MEDAG: variants seen among roughly 807,000 people sequenced by gnomAD.
The protein encoded by MEDAG is mesenteric estrogen dependent adipogenesis, also known as mesenteric estrogen-dependent adipogenesis protein.
A neutral mutation model predicts 29.9 loss-of-function variants in MEDAG; 25 were observed. That is an observed-to-expected ratio of 0.84 (90% confidence interval 0.61 to 1.17). The LOEUF (loss-of-function observed/expected upper bound fraction) is 1.17, where lower values mean the gene tolerates loss of function less well. Among genes scored for constraint, MEDAG ranks in the 50% most tolerant of loss-of-function variants. The pLI, the probability that MEDAG is intolerant of heterozygous loss-of-function variation, is 0.00. For synonymous variants in MEDAG, 158 were observed against 148.2 expected (o/e 1.07, Z -0.48); for missense variants, 398 against 372.9 (o/e 1.07, Z -0.56).
rs745724368 is a variant in MEDAG, at chr13:30,917,387, C to T, written c.279-16C>T. ...AAGGGTACGTTACATTTGCAATGAT[C>T]TCTGCTTCTTCATAGGTATGTGGAA... On this transcript the variant is annotated splice_polypyrimidine_tract_variant and intron_variant, in intron 1 of 4. Coordinates refer to ENST00000380482, the MANE Select transcript of MEDAG (RefSeq NM_032849.4). 12 of 1,397,364 alleles carry T rather than the reference C, an allele frequency of 8.6e-6. No individual in the cohort carries two copies. In the South Asian group the frequency reaches 1.2e-4, roughly 13 times the overall value. 86.6% of individuals were successfully genotyped at this position (1,397,364 alleles called of 1,614,324 possible).
chr13:30,921,638 A>G lies in MEDAG; in HGVS notation c.579A>G (p.Ala193=), dbSNP rs79895157. ...EVVNGENLSF[A]YEFKADALFD... is the part of the protein sequence containing the mutation. ...TTAATGGAGAAAATTTAAGCTTTGC[A>G]TATGAATTCAAAGCTGATGCATTAT... Residue 193 remains alanine (A), a synonymous_variant, in exon 4 of 5, where the codon GCA becomes GCG. Transcript: ENST00000380482. 721 of 1,613,866 alleles carry G rather than the reference A, an allele frequency of 4.5e-4. 2 individuals carry two copies. In the East Asian group the frequency reaches 0.012, roughly 28 times the overall value.
chr13:30,924,794 G>A lies in MEDAG; in HGVS notation c.*359G>A. 1 of 167,196 alleles carries A rather than the reference G, an allele frequency of 6.0e-6. No individual in the cohort carries two copies. Among genetic ancestry groups the A allele is most frequent in the Non-Finnish European group, 1.3e-5 (1 of 78,324 alleles). 10.4% of individuals were successfully genotyped at this position (167,196 alleles called of 1,614,324 possible). Reference sequence around the variant, plus strand: ...CAGTTCCCTGGGAGTTTTTGTGGCAGCCTTTGTGGGAGTGGTCTGACTGGC... The same window carrying A: ...CAGTTCCCTGGGAGTTTTTGTGGCAACCTTTGTGGGAGTGGTCTGACTGGC... On this transcript the variant is annotated 3_prime_UTR_variant, in exon 5 of 5. Coordinates refer to ENST00000380482, the MANE Select transcript of MEDAG (RefSeq NM_032849.4).
intron 1 of MEDAG, among the ~76,000 whole-genome samples, chr13:30,909,349 G>T (rs140902795): frequency 6.6e-6 from 1 of 151,998 alleles, no homozygotes; most frequent in Non-Finnish European, 1.5e-5. Flanking sequence ...CTTCAGAGCC[G>T]GATTGCCCCA....
intron 4 of MEDAG, 151 bp from the exon 5 acceptor site, chr13:30,924,160 C>T (rs1953017243): frequency 1.4e-5 from 11 of 784,618 alleles, no homozygotes; most frequent in Non-Finnish European, 2.1e-5. Flanking sequence ...AAAAGCAACA[C>T]ATTTCTGTTT....
At chr13:30,907,918 A>T (rs940773966) in intron 1 of MEDAG, among the ~76,000 whole-genome samples, 11 of 152,228 alleles carry the variant, frequency 7.2e-5, no homozygotes, top group Admixed American at 3.3e-4. Context: ...TGCCTGAAGA[A>T]CCATTCCCCA....
intron 4 of MEDAG, among the ~76,000 whole-genome samples, chr13:30,923,553 T>C (rs1174073964): frequency 6.6e-6 from 1 of 152,176 alleles, no homozygotes; most frequent in African/African-American, 2.4e-5. Context: ...AAAGATGTGT[T>C]TGTGCTCTGC....
At chr13:30,908,502 G>A (rs1952850552) in intron 1 of MEDAG, among the ~76,000 whole-genome samples, 1 of 152,162 alleles carries the variant, frequency 6.6e-6, no homozygotes, top group African/African-American at 2.4e-5. Context: ...GGTCTAAATG[G>A]AGACAGCCTT....
At chr13:30,924,223 A>T in intron 4 of MEDAG, 88 bp from the exon 5 acceptor site, 1 of 1,320,216 alleles carries the variant, frequency 7.6e-7, no homozygotes, top group Non-Finnish European at 1.0e-6. Flanking sequence ...TTATTAAAAT[A>T]GTTAGGTTGC....
intron 1 of MEDAG, among the ~76,000 whole-genome samples, chr13:30,907,931 A>G (rs1952845728): frequency 6.6e-6 from 1 of 152,258 alleles, no homozygotes; most frequent in South Asian, 2.1e-4. Flanking sequence ...ATTCCCCAGC[A>G]AGAATTTCTC....
At chr13:30,909,313 C>CG (rs1952860465) in intron 1 of MEDAG, among the ~76,000 whole-genome samples, 1 of 151,860 alleles carries the variant, frequency 6.6e-6, no homozygotes, top group Non-Finnish European at 1.5e-5. Context: ...TGGGGATGAC[C>CG]GGTTTCACTT....
chr13:30,909,420 C>T (rs929443271), intron 1 of MEDAG, among the ~76,000 whole-genome samples: 2 of 152,080 alleles, frequency 1.3e-5, no homozygotes, highest in African/African-American at 2.4e-5. Context: ...AGTGACTTTT[C>T]GTCTTCTTTG....
intron 1 of MEDAG, chr13:30,916,669 T>C (rs1265044819): frequency 6.6e-6 from 1 of 152,236 alleles, no homozygotes; most frequent in African/African-American, 2.4e-5. Flanking sequence ...CTTGGACCTT[T>C]TTATGAACAA....
chr13:30,917,908 T>C (rs992851725), intron 2 of MEDAG, among the ~76,000 whole-genome samples: 3 of 152,160 alleles, frequency 2.0e-5, no homozygotes, highest in Admixed American at 2.0e-4. Context: ...CATATCAGTA[T>C]ATAAATAGTT....
At chr13:30,921,278 G>A in intron 3 of MEDAG, 152 bp downstream of exon 3, 1 of 678,718 alleles carries the variant, frequency 1.5e-6, no homozygotes, top group Non-Finnish European at 2.5e-6. Context: ...TCTCAAAGGT[G>A]GCATTATTGC....
intron 1 of MEDAG, among the ~76,000 whole-genome samples, chr13:30,911,574 A>G (rs185600079): frequency 3.9e-5 from 6 of 151,960 alleles, no homozygotes; most frequent in African/African-American, 1.5e-4. Flanking sequence ...ACAGGACAAT[A>G]TCTCTCCTAC....
chr13:30,906,726 A>C lies in MEDAG; in HGVS notation c.211A>C (p.Asn71His). 1 of 1,518,356 alleles carries C rather than the reference A, an allele frequency of 6.6e-7. No homozygotes were observed. The highest frequency in any genetic ancestry group is 8.8e-7 in the Non-Finnish European group (1 of 1,142,400). 94.1% of individuals were successfully genotyped at this position (1,518,356 alleles called of 1,614,324 possible). The stretch of plus-strand genomic sequence containing the variant: ...GCCGGCGGCGGCGCGGGGGGGCTTC[A>C]ACGTCTTCGGTGACGGCCTCGTGCG... The part of the protein sequence containing the change: ...GEPAAARGGF[N>H]VFGDGLVRLD... Residue 71 changes from asparagine (N) to histidine (H), a missense_variant, in exon 1 of 5, where the codon AAC (asparagine) becomes CAC (histidine). Physicochemically the swap from Asn to His is moderately conservative, Grantham distance 68. Coordinates refer to ENST00000380482, the MANE Select transcript of MEDAG (RefSeq NM_032849.4).
chr13:30,918,681 C>T (rs1952953364), intron 2 of MEDAG, among the ~76,000 whole-genome samples: 1 of 152,198 alleles, frequency 6.6e-6, no homozygotes, highest in African/African-American at 2.4e-5. Context: ...AACTAACATT[C>T]TTAAAATGAG....
At chr13:30,910,171 C>G (rs1414110808) in intron 1 of MEDAG, among the ~76,000 whole-genome samples, 11 of 145,382 alleles carry the variant, frequency 7.6e-5, no homozygotes, top group Non-Finnish European at 1.5e-4. Flanking sequence ...TCAAAATTAC[C>G]ATTAACTACG....
Position 30,918,413 on chromosome 13 carries a change from G to C in MEDAG, c.388+901G>C, listed in dbSNP as rs191536317. Among the ~76,000 whole-genome samples, 355 of 152,270 alleles carry C rather than the reference G, an allele frequency of 2.3e-3. 1 individual carries two copies. Among genetic ancestry groups the C allele is most frequent in the South Asian group, 7.5e-3 (36 of 4,830 alleles). ...GTGCTTACACTATTCCCATTTTATAGATGAGGAAACTAAGAAAATAAATAG... is the reference window on the plus strand; with the variant it reads ...GTGCTTACACTATTCCCATTTTATACATGAGGAAACTAAGAAAATAAATAG... On this transcript the variant is annotated intron_variant, in intron 2 of 4. Coordinates refer to ENST00000380482, the MANE Select transcript of MEDAG (RefSeq NM_032849.4).
Sources: gnomAD v4.1 joint callset for allele counts (sites outside exome capture counted in the v4.1 genomes callset) on GRCh38, gnomAD v4.1.1 for gene constraint, MANE v1.5 for transcripts, NCBI Gene and HGNC (gene_info 2026-07-23, HGNC 2026-07-21) for gene names.